The following SORCS2 variants were observed in gnomAD, a reference collection of about 807,000 sequenced individuals.
SORCS2 encodes VPS10 domain-containing receptor SorCS2.
A neutral mutation model predicts 141.6 loss-of-function variants in SORCS2; 100 were observed. The ratio of observed to expected loss-of-function variants is 0.71; its 90% CI spans 0.60 to 0.83. The LOEUF (loss-of-function observed/expected upper bound fraction) is 0.83. Among genes scored for constraint, SORCS2 ranks in the 40% least tolerant of loss-of-function variants. The probability of loss-of-function intolerance (pLI) is 0.00; values close to 1 mark genes in which losing one functional copy is unlikely to be tolerated. For synonymous variants in SORCS2, 789 were observed against 676.9 expected, an observed-to-expected ratio of 1.17 and a Z score of -2.57; for missense variants, 1,646 against 1,560.2, an observed-to-expected ratio of 1.05 and a Z score of -0.93.
intron 1 of SORCS2, among the ~76,000 whole-genome samples, chr4:7,280,509 C>G (rs1382821192): frequency 6.6e-6 from 1 of 152,150 alleles, no homozygotes; most frequent in Non-Finnish European, 1.5e-5. Flanking sequence ...AGAAGGATAA[C>G]CCCATCATCG....
intron 1 of SORCS2, among the ~76,000 whole-genome samples, chr4:7,228,197 T>A (rs1005281614): frequency 1.3e-5 from 2 of 152,210 alleles, no homozygotes; most frequent in Non-Finnish European, 2.9e-5. Context: ...TCTCCCGGCA[T>A]CCTCGTATGT....
Position 7,534,200 on chromosome 4 carries a change from A to T in SORCS2, c.648+2571A>T, listed in dbSNP as rs185586323. Reference sequence around the variant, plus strand: ...GAGTGAATGAATGAGTGTCACAAACAGTGTGTGCTGCCGAGTGGACACTGT... The same window carrying T: ...GAGTGAATGAATGAGTGTCACAAACTGTGTGTGCTGCCGAGTGGACACTGT... On this transcript the variant is annotated intron_variant, in intron 3 of 26. Coordinates refer to ENST00000507866, the MANE Select transcript of SORCS2 (RefSeq NM_020777.3). Among the ~76,000 whole-genome samples, 4 of 152,322 alleles carry T rather than the reference A, an allele frequency of 2.6e-5. No homozygotes were observed. The East Asian group carries it at 7.7e-4, about 29-fold the overall frequency.
intron 3 of SORCS2, among the ~76,000 whole-genome samples, chr4:7,536,514 T>C (rs1560366009): frequency 6.6e-6 from 1 of 152,172 alleles, no homozygotes; most frequent in Non-Finnish European, 1.5e-5. Flanking sequence ...AGGGCTGGTC[T>C]TCAGACACCT....
intron 1 of SORCS2, among the ~76,000 whole-genome samples, chr4:7,324,266 G>A (rs979382274): frequency 8.5e-5 from 13 of 152,346 alleles, no homozygotes; most frequent in East Asian, 1.9e-4. Context: ...GGCCTATCAC[G>A]TAGCTGGTGG....
intron 10 of SORCS2, among the ~76,000 whole-genome samples, chr4:7,683,536 A>C (rs1244322262): frequency 6.6e-6 from 1 of 152,376 alleles, no homozygotes; most frequent in South Asian, 2.1e-4. Context: ...TGATACCAGA[A>C]GTACAAGAGG....
chr4:7,323,333 G>C (rs1022882115), intron 1 of SORCS2, among the ~76,000 whole-genome samples: 3 of 152,218 alleles, frequency 2.0e-5, no homozygotes, highest in African/African-American at 7.2e-5. Flanking sequence ...AAGCAAGTTG[G>C]TTTCCCAGGA....
chr4:7,437,453 T>C (rs1216989524), intron 2 of SORCS2, among the ~76,000 whole-genome samples: 3 of 152,068 alleles, frequency 2.0e-5, no homozygotes, highest in Admixed American at 6.5e-5. Flanking sequence ...CAAGAGTTTT[T>C]CCAGAGTTTA....
At position 7,543,887 on chromosome 4, in the gene SORCS2, C is replaced by CCCACCCATCCATCCATCCACCCAT. The variant is rs1712995543; in HGVS notation, c.648+12270_648+12293dup. The stretch of plus-strand genomic sequence containing the variant: ...ACCCATCCATCCAGCCACCCACCCA[C>CCCACCCATCCATCCATCCACCCAT]CCACCCATCCATCCATCCACCCATC... On this transcript the variant is annotated intron_variant, in intron 3 of 26. Transcript: ENST00000507866. Among the ~76,000 whole-genome samples the CCCACCCATCCATCCATCCACCCAT allele has an allele frequency of 3.2e-4, 4 of 12,536 alleles. 2 individuals are homozygous for CCCACCCATCCATCCATCCACCCAT. The highest frequency in any genetic ancestry group is 4.0e-4 in the Non-Finnish European group (2 of 4,996). The allele number at this position is 12,536 out of a possible 152,430, so 8.2% of individuals were successfully genotyped here.
At chr4:7,582,777 T>C (rs1716247538) in intron 3 of SORCS2, among the ~76,000 whole-genome samples, 1 of 152,202 alleles carries the variant, frequency 6.6e-6, no homozygotes, top group African/African-American at 2.4e-5. Context: ...TCTGCCCCTA[T>C]TTGAATGCCT....
intron 1 of SORCS2, among the ~76,000 whole-genome samples, chr4:7,334,785 C>T (rs1719884340): frequency 6.6e-6 from 1 of 152,112 alleles, no homozygotes; most frequent in African/African-American, 2.4e-5. Context: ...GAGACCTGTC[C>T]TCCTGGCCGG....
chr4:7,347,905 A>G (rs994576603), intron 1 of SORCS2, among the ~76,000 whole-genome samples: 4 of 152,252 alleles, frequency 2.6e-5, no homozygotes, highest in Non-Finnish European at 5.9e-5. Context: ...ATTTCAATTC[A>G]TTATTACAAT....
intron 3 of SORCS2, among the ~76,000 whole-genome samples, chr4:7,571,814 G>A (rs1367904725): frequency 4.6e-5 from 7 of 152,188 alleles, no homozygotes; most frequent in African/African-American, 1.4e-4. Flanking sequence ...TATCATCAGC[G>A]ATGAAAAAGG....
intron 4 of SORCS2, among the ~76,000 whole-genome samples, chr4:7,640,856 A>G (rs1320917298): frequency 6.6e-6 from 1 of 152,108 alleles, no homozygotes; most frequent in African/African-American, 2.4e-5. Flanking sequence ...CGAGAGGAAT[A>G]GCACATGCCT....
intron 2 of SORCS2, among the ~76,000 whole-genome samples, chr4:7,498,738 C>A (rs1731782119): frequency 1.3e-5 from 2 of 152,254 alleles, no homozygotes; most frequent in Admixed American, 1.3e-4. Flanking sequence ...GGTGTCTACA[C>A]CACAGAGTGC....
At chr4:7,539,680 A>ACCCCCGTTATGGAGGCCCCCC (rs1553881099) in intron 3 of SORCS2, among the ~76,000 whole-genome samples, 6 of 134,296 alleles carry the variant, frequency 4.5e-5, no homozygotes, top group East Asian at 2.4e-4. Context: ...CAAGGCCCCG[A>ACCCCCGTTATGGAGGCCCCCC]CCCCCGTTAT....
chr4:7,565,332 C>T (rs1404988961), intron 3 of SORCS2, among the ~76,000 whole-genome samples: 2 of 151,984 alleles, frequency 1.3e-5, no homozygotes, highest in African/African-American at 4.8e-5. Flanking sequence ...TCCATCCTGA[C>T]CAGAAGATGA....
chr4:7,383,031 A>C lies in SORCS2; in HGVS notation c.481-13257A>C, dbSNP rs1016346165. Among the ~76,000 whole-genome samples, 4 of 152,122 alleles carry C rather than the reference A, an allele frequency of 2.6e-5. No homozygotes were observed. In the East Asian group the frequency reaches 7.7e-4, roughly 29 times the overall value. On this transcript the variant is annotated intron_variant, in intron 1 of 26. Coordinates refer to ENST00000507866, the MANE Select transcript of SORCS2 (RefSeq NM_020777.3). ...TAAAATACACCTTCTGATATTTTTT[A>C]ATGGAGGAAAAGGCCATGAAGACTC...
chr4:7,246,411 A>T lies in SORCS2; in HGVS notation c.480+53285A>T, dbSNP rs543992745. On this transcript the variant is annotated intron_variant, in intron 1 of 26. Coordinates refer to ENST00000507866, the MANE Select transcript of SORCS2 (RefSeq NM_020777.3). ...CAGATCTCACCCGGGGCTTAAATGA[A>T]CCCACACATCTCACTCGGGGCTTAA... is the stretch of plus-strand genomic sequence containing the variant. Among the ~76,000 whole-genome samples, 8 of 151,850 alleles carry T rather than the reference A, an allele frequency of 5.3e-5. No homozygotes were observed. In the East Asian group the frequency reaches 1.5e-3, roughly 29 times the overall value.
At chr4:7,582,822 C>T (rs1017392429) in intron 3 of SORCS2, among the ~76,000 whole-genome samples, 10 of 152,036 alleles carry the variant, frequency 6.6e-5, no homozygotes, top group African/African-American at 1.7e-4. Flanking sequence ...CCTTAGCAGC[C>T]GTAGCAGCAA....
Sources: gnomAD v4.1 joint callset for allele counts (sites outside exome capture counted in the v4.1 genomes callset) on GRCh38, gnomAD v4.1.1 for gene constraint, MANE v1.5 for transcripts, NCBI Gene and HGNC (gene_info 2026-07-23, HGNC 2026-07-21) for gene names.